Variants in BICD2 observed in about 807,000 individuals in gnomAD.
The protein encoded by BICD2 is BICD cargo adaptor 2.
Under a neutral mutation model 72.9 loss-of-function variants are expected in BICD2, and 25 were observed. The ratio of observed to expected loss-of-function variants is 0.34; its 90% CI spans 0.25 to 0.48. The LOEUF (loss-of-function observed/expected upper bound fraction) is 0.48. BICD2 is among the 20% of genes least tolerant of loss of function. The probability of loss-of-function intolerance (pLI) is 0.99; values close to 1 mark genes in which losing one functional copy is unlikely to be tolerated. For synonymous variants in BICD2, 501 were observed against 516.1 expected (o/e 0.97, Z 0.40); for missense variants, 894 against 1,175.2 (o/e 0.76, Z 3.50).
In BICD2 at chr9:92,753,733, G is replaced by A. The variant is rs551258834; in HGVS notation, c.240+10772C>T. ...TTTTTGTATTTTTAGTAGAGATGGG[G>A]TTTCACCGTGTTAGCCAGGATGGTC... On this transcript the variant is annotated intron_variant, in intron 1 of 6. Coordinates refer to ENST00000356884, the MANE Select transcript of BICD2 (RefSeq NM_001003800.2). Among the ~76,000 whole-genome samples, 100 of 151,612 alleles carry A rather than the reference G, an allele frequency of 6.6e-4. 1 individual carries two copies. The highest frequency in any genetic ancestry group is 2.3e-3 in the African/African-American group (96 of 41,392).
At chr9:92,726,313 G>A (rs72758503) in intron 2 of BICD2, among the ~76,000 whole-genome samples, 1,613 of 152,326 alleles carry the variant, frequency 0.011, 19 homozygotes, top group South Asian at 0.018. Flanking sequence ...GTGTTGGGGT[G>A]TGGAGGGGGA....
chr9:92,747,846 G>A (rs920447316), intron 1 of BICD2, among the ~76,000 whole-genome samples: 4 of 152,190 alleles, frequency 2.6e-5, no homozygotes, highest in African/African-American at 9.7e-5. Flanking sequence ...GGCTCAGGAA[G>A]CATCTGTGGC....
chr9:92,762,628 C>T (rs1007337057), intron 1 of BICD2, among the ~76,000 whole-genome samples: 5 of 152,140 alleles, frequency 3.3e-5, no homozygotes, highest in Admixed American at 6.5e-5. Flanking sequence ...ATACATGCCA[C>T]GAAAATGCCA....
At chr9:92,737,497 G>A (rs1416077217) in intron 1 of BICD2, among the ~76,000 whole-genome samples, 2 of 152,148 alleles carry the variant, frequency 1.3e-5, no homozygotes, top group African/African-American at 4.8e-5. Context: ...CCCAGTGTGG[G>A]GCAGCGCGTG....
At chr9:92,735,707 G>A (rs993548047) in intron 1 of BICD2, among the ~76,000 whole-genome samples, 2 of 152,038 alleles carry the variant, frequency 1.3e-5, no homozygotes, top group African/African-American at 2.4e-5. Flanking sequence ...CTCTGCGAGT[G>A]CCTCATCTCT....
Position 92,749,025 on chromosome 9 carries a change from T to C in BICD2, c.240+15480A>G, listed in dbSNP as rs149274867. Among the ~76,000 whole-genome samples, 294 of 151,016 alleles carry C rather than the reference T, an allele frequency of 1.9e-3. 7 individuals are homozygous for C. The highest frequency in any genetic ancestry group is 0.018 in the Admixed American group (273 of 15,188). ...ACAGGAGAGGGGGCAGGAGGTGGAGTTGGTCCCTGAGGAACTCAGACAGCC... is the reference window on the plus strand; with the variant it reads ...ACAGGAGAGGGGGCAGGAGGTGGAGCTGGTCCCTGAGGAACTCAGACAGCC... On this transcript the variant is annotated intron_variant, in intron 1 of 6. Transcript: ENST00000356884.
Position 92,719,055 on chromosome 9 carries a change from G to T in BICD2, c.1590C>A (p.Phe530Leu), listed in dbSNP as rs1472200920. Reference protein sequence around the residue: ...LSVAQDELVTFSEELANLYHH... With the variant: ...LSVAQDELVTLSEELANLYHH... ...GGTAGAGATTGGCCAGCTCCTCACT[G>T]AAGGTCACCAGCTCATCCTGGGCCA... The change falls in exon 5 of 7, where the codon TTC becomes TTA. Residue 530 changes from phenylalanine (F) to leucine (L), a missense_variant. Around this residue, in one of 5 missense-constraint regions of BICD2, gnomAD observed 371 missense variants for 439.1 expected, o/e 0.84. Transcript: ENST00000356884. 9.9e-6 allele frequency: 16 copies of T among 1,612,854 alleles called. No individual in the cohort carries two copies. The highest frequency in any genetic ancestry group is 1.4e-5 in the Non-Finnish European group (16 of 1,179,972).
intron 1 of BICD2, among the ~76,000 whole-genome samples, chr9:92,734,220 C>T (rs1853731907): frequency 6.6e-6 from 1 of 151,992 alleles, no homozygotes; most frequent in Non-Finnish European, 1.5e-5. Flanking sequence ...TAGAAGTTAG[C>T]ATAGTTGGCA....
At chr9:92,715,792 C>T (rs1016474053) in intron 6 of BICD2, among the ~76,000 whole-genome samples, 1 of 152,198 alleles carries the variant, frequency 6.6e-6, no homozygotes, top group African/African-American at 2.4e-5. Flanking sequence ...CAGGCTATGC[C>T]CCTCAGCGAC....
At chr9:92,727,560 A>G (rs1020434623) in intron 2 of BICD2, among the ~76,000 whole-genome samples, 1 of 152,168 alleles carries the variant, frequency 6.6e-6, no homozygotes, top group African/African-American at 2.4e-5. Context: ...CCCAATGAGA[A>G]CCTGGGGCTG....
At position 92,713,895 on chromosome 9, in the gene BICD2, C is replaced by T. The variant is rs970920113; in HGVS notation, c.*1259G>A. The T allele has an allele frequency of 5.0e-6, 5 of 1,002,440 alleles. No homozygotes were observed. Among genetic ancestry groups the T allele is most frequent in the Non-Finnish European group, 6.0e-6 (5 of 839,926 alleles). 62.1% of individuals were successfully genotyped at this position (1,002,440 alleles called of 1,614,324 possible). A position where few individuals can be genotyped will look rare whatever the true frequency, so the allele number is the denominator to read the frequency against. On this transcript the variant is annotated 3_prime_UTR_variant, in exon 7 of 7. Coordinates refer to ENST00000356884, the MANE Select transcript of BICD2 (RefSeq NM_001003800.2). Reference sequence around the variant, plus strand: ...GTCTCTCACCAGGTAACTCGAATGCCTCTTCCGCATGAGAGACAAGGCAAG... The same window carrying T: ...GTCTCTCACCAGGTAACTCGAATGCTTCTTCCGCATGAGAGACAAGGCAAG...
intron 2 of BICD2, among the ~76,000 whole-genome samples, chr9:92,725,883 T>C (rs1853558012): frequency 6.6e-6 from 1 of 152,216 alleles, no homozygotes; most frequent in South Asian, 2.1e-4. Context: ...GATCTTGGTG[T>C]GTGTATGAGA....
At position 92,713,394 on chromosome 9, in the gene BICD2, A is replaced by T; in HGVS notation, c.*1760T>A. ...TTCCTTCCTCCTTGTGGGCCACGAGAGGGAAGGGGAAGGGGCTGCAGTGTG... is the reference window on the plus strand; with the variant it reads ...TTCCTTCCTCCTTGTGGGCCACGAGTGGGAAGGGGAAGGGGCTGCAGTGTG... On this transcript the variant is annotated 3_prime_UTR_variant, in exon 7 of 7. Transcript: ENST00000356884. 1 of 1,536,980 alleles carries T rather than the reference A, an allele frequency of 6.5e-7. No homozygotes were observed. Among genetic ancestry groups the T allele is most frequent in the Non-Finnish European group, 8.9e-7 (1 of 1,128,250 alleles).
Position 92,718,846 on chromosome 9 carries a change from C to A in BICD2, c.1799G>T (p.Gly600Val), listed in dbSNP as rs780775754. The change falls in exon 5 of 7, where the codon GGT becomes GTT. Residue 600 changes from glycine (G) to valine (V), a missense_variant. Gly to Val is a moderately radical substitution (Grantham distance 109, BLOSUM62 -3). Around this residue, in one of 5 missense-constraint regions of BICD2, gnomAD observed 321 missense variants for 443.9 expected, o/e 0.72. Coordinates refer to ENST00000356884, the MANE Select transcript of BICD2 (RefSeq NM_001003800.2). Reference sequence around the variant, plus strand: ...CGAGGGGCTGCTGTCCCCCGTCCCACCATCTGCTCGGCCCGCCTCAGGAGC... The same window carrying A: ...CGAGGGGCTGCTGTCCCCCGTCCCAACATCTGCTCGGCCCGCCTCAGGAGC... Reference protein sequence around the residue: ...LLAPEAGRADGGTGDSSPSPG... With the variant: ...LLAPEAGRADVGTGDSSPSPG... 6 of 1,606,562 alleles carry A rather than the reference C, an allele frequency of 3.7e-6. No homozygotes were observed. In the African/African-American group the frequency reaches 4.0e-5, roughly 11 times the overall value.
At chr9:92,718,388 G>A (rs1853368307) in intron 5 of BICD2, 151 bp downstream of exon 5, 1 of 933,674 alleles carries the variant, frequency 1.1e-6, no homozygotes, top group East Asian at 2.7e-5. Context: ...GAGCAGGGGA[G>A]GGTAGGCAGT....
intron 2 of BICD2, among the ~76,000 whole-genome samples, chr9:92,726,013 C>T (rs2131507912): frequency 6.6e-6 from 1 of 152,332 alleles, no homozygotes; most frequent in East Asian, 1.9e-4. Context: ...TACCCACCTC[C>T]CAGGGGCCCA....
At chr9:92,740,671 C>G (rs1176857251) in intron 1 of BICD2, among the ~76,000 whole-genome samples, 7 of 151,860 alleles carry the variant, frequency 4.6e-5, no homozygotes, top group Non-Finnish European at 1.0e-4. Context: ...TAACAAAAAC[C>G]CAGAAACAAA....
rs376177099 is a variant in BICD2 at position 92,717,779 on chromosome 9, C to T, written c.2258+18G>A. 5.1e-5 allele frequency: 82 copies of T among 1,593,950 alleles called. No individual in the cohort carries two copies. Among genetic ancestry groups the T allele is most frequent in the Non-Finnish European group, 1.5e-5 (18 of 1,170,248 alleles). On this transcript the variant is annotated intron_variant, in intron 6 of 6. Transcript: ENST00000356884. Reference sequence around the variant, plus strand: ...GCTGGCCTTGTGGAAGGGGAGGGCCCGACAGCAGCACGGTTACCTGGTGGC... The same window carrying T: ...GCTGGCCTTGTGGAAGGGGAGGGCCTGACAGCAGCACGGTTACCTGGTGGC...
At chr9:92,755,399 T>C (rs1854235077) in intron 1 of BICD2, among the ~76,000 whole-genome samples, 1 of 152,186 alleles carries the variant, frequency 6.6e-6, no homozygotes, top group Non-Finnish European at 1.5e-5. Flanking sequence ...TCTATTACCT[T>C]GTAAAGTACT....
Sources: gnomAD v4.1 joint callset for allele counts (sites outside exome capture counted in the v4.1 genomes callset) on GRCh38, gnomAD v4.1.1 for gene constraint, gnomAD v4.1.1 regional missense constraint, MANE v1.5 for transcripts, NCBI Gene and HGNC (gene_info 2026-07-23, HGNC 2026-07-21) for gene names.